CR1L: variants seen among roughly 807,000 people sequenced by gnomAD.
The protein encoded by CR1L is complement C3b/C4b receptor 1 like, also known as complement component receptor 1-like protein.
In CR1L, 59 loss-of-function variants were observed where a neutral mutation model predicts 62.3. That is an observed-to-expected ratio of 0.95 (90% CI 0.77 to 1.18). CR1L has a LOEUF of 1.18. CR1L is among the 50% of genes most tolerant of loss of function. The probability of loss-of-function intolerance (pLI) is 0.00; values close to 1 mark genes in which losing one functional copy is unlikely to be tolerated. For missense variants in CR1L, 700 were observed against 702.8 expected, an observed-to-expected ratio of 1.00 and a Z score of 0.04; for synonymous variants, 279 against 248.7, an observed-to-expected ratio of 1.12 and a Z score of -1.15.
rs567819748 is a variant in CR1L at position 207,713,150 on chromosome 1, CAAACCT to C, written c.1415-4310_1415-4305del. On this transcript the variant is annotated intron_variant, in intron 10 of 11. Coordinates refer to ENST00000508064, the MANE Select transcript of CR1L (RefSeq NM_175710.2). ...GGCACATACAACTCAATATCAGATA[CAAACCT>C]AAATACAGTCACTGATCTTGGGTAC... 2.6e-5 allele frequency among the ~76,000 whole-genome samples: 4 copies of C among 152,246 alleles called. No individual in the cohort carries two copies. The East Asian group carries it at 7.7e-4, about 29-fold the overall frequency.
At chr1:207,709,537 T>C (rs1664319877) in intron 10 of CR1L, among the ~76,000 whole-genome samples, 1 of 152,028 alleles carries the variant, frequency 6.6e-6, no homozygotes, top group Non-Finnish European at 1.5e-5. Flanking sequence ...GCAGGAGAAA[T>C]ATAAATGTGT....
At chr1:207,675,855 A>C (rs1367525944) in intron 1 of CR1L, among the ~76,000 whole-genome samples, 1 of 152,248 alleles carries the variant, frequency 6.6e-6, no homozygotes, top group Non-Finnish European at 1.5e-5. Flanking sequence ...TCTACTATAT[A>C]ATATGAAATA....
At chr1:207,700,432 A>G (rs1372643989) in intron 8 of CR1L, among the ~76,000 whole-genome samples, 1 of 152,222 alleles carries the variant, frequency 6.6e-6, no homozygotes, top group African/African-American at 2.4e-5. Flanking sequence ...TGCCAGTTCT[A>G]ATGAAAAATG....
chr1:207,669,231 CGAA>C, intron 1 of CR1L: 1 of 402,584 alleles, frequency 2.5e-6, no homozygotes, highest in Non-Finnish European at 4.6e-6. Context: ...GCTCTGCCAG[CGAA>C]ACTCGTTAGA....
intron 1 of CR1L, among the ~76,000 whole-genome samples, chr1:207,662,400 T>C (rs1663439889): frequency 1.3e-5 from 2 of 152,246 alleles, no homozygotes; most frequent in Non-Finnish European, 2.9e-5. Context: ...ATTCATTTGA[T>C]CTTCCATCTC....
At chr1:207,709,079 G>T (rs1047746473) in intron 10 of CR1L, 23 of 244,044 alleles carry the variant, frequency 9.4e-5, no homozygotes, top group African/African-American at 1.4e-4. Context: ...TATTAGTTCT[G>T]CCAGAGCTTT....
rs368204114 is a variant in CR1L, at chr1:207,699,319, C to A, written c.1228+45C>A. The A allele has an allele frequency of 6.5e-5, 104 of 1,608,580 alleles. No homozygotes were observed. The African/African-American group carries it at 1.0e-3, about 16-fold the overall frequency. On this transcript the variant is annotated intron_variant, in intron 8 of 11. Transcript: ENST00000508064. ...TTTCAGGCCAATCTCTCCCCTTCAT[C>A]TGTTCAGTATTTGACCCATGACCTC...
chr1:207,681,208 C>CG (rs774917486), intron 3 of CR1L, among the ~76,000 whole-genome samples: 5 of 152,294 alleles, frequency 3.3e-5, no homozygotes, highest in African/African-American at 4.8e-5. Flanking sequence ...TGTCCCTCTT[C>CG]GGGCCCTGGG....
chr1:207,661,785 G>A (rs1446895517), intron 1 of CR1L, among the ~76,000 whole-genome samples: 5 of 151,720 alleles, frequency 3.3e-5, no homozygotes, highest in South Asian at 4.1e-4. Context: ...GGCTGGTACC[G>A]ATTGTTCCTT....
At chr1:207,690,392 T>C (rs1418046087) in intron 4 of CR1L, among the ~76,000 whole-genome samples, 1 of 152,228 alleles carries the variant, frequency 6.6e-6, no homozygotes, top group Non-Finnish European at 1.5e-5. Flanking sequence ...ATCTTCTAGT[T>C]ATCATTCTTT....
intron 4 of CR1L, among the ~76,000 whole-genome samples, chr1:207,691,113 T>TAGCAATCTTTA (rs760981073): frequency 2.6e-5 from 4 of 152,230 alleles, no homozygotes; most frequent in African/African-American, 4.8e-5. Flanking sequence ...CTCTTTGTTC[T>TAGCAATCTTTA]AGCAATCTTT....
At chr1:207,660,487 G>C (rs1217092007) in intron 1 of CR1L, among the ~76,000 whole-genome samples, 1 of 152,206 alleles carries the variant, frequency 6.6e-6, no homozygotes, top group Non-Finnish European at 1.5e-5. Flanking sequence ...AGCAGGTGGT[G>C]ATATCCCCTT....
chr1:207,716,330 G>GA (rs1653998508), intron 10 of CR1L, among the ~76,000 whole-genome samples: 2 of 152,082 alleles, frequency 1.3e-5, no homozygotes, highest in Non-Finnish European at 2.9e-5. Flanking sequence ...CCGGGATGAC[G>GA]AATCAGTGTC....
At chr1:207,654,321 G>A (rs1663272999) in intron 1 of CR1L, among the ~76,000 whole-genome samples, 1 of 152,242 alleles carries the variant, frequency 6.6e-6, no homozygotes. Context: ...AAATATTGGA[G>A]TATTCAATTA....
chr1:207,717,233 G>A (rs1335744308), intron 10 of CR1L, among the ~76,000 whole-genome samples: 1 of 152,034 alleles, frequency 6.6e-6, no homozygotes, highest in Non-Finnish European at 1.5e-5. Flanking sequence ...GTAGCTACCT[G>A]GATGGTCCAA....
intron 1 of CR1L, among the ~76,000 whole-genome samples, chr1:207,654,899 G>T (rs550463094): frequency 6.6e-6 from 1 of 152,320 alleles, no homozygotes; most frequent in East Asian, 1.9e-4. Flanking sequence ...AAAACGCACA[G>T]AAATGAATGT....
At chr1:207,693,136 T>C (rs1481098509) in intron 4 of CR1L, among the ~76,000 whole-genome samples, 1 of 152,210 alleles carries the variant, frequency 6.6e-6, no homozygotes, top group Non-Finnish European at 1.5e-5. Flanking sequence ...TATTTCTTTG[T>C]ATTGCTTGGG....
At chr1:207,701,267 T>G (rs1380332846) in intron 8 of CR1L, among the ~76,000 whole-genome samples, 2 of 152,144 alleles carry the variant, frequency 1.3e-5, no homozygotes, top group Non-Finnish European at 2.9e-5. Flanking sequence ...TACATTTTGA[T>G]AAGGGATGCA....
At chr1:207,646,089 G>C (rs1236295969) in intron 1 of CR1L, among the ~76,000 whole-genome samples, 1 of 148,670 alleles carries the variant, frequency 6.7e-6, no homozygotes, top group Non-Finnish European at 1.5e-5. Flanking sequence ...GCCTGAGATC[G>C]TATTGGTCTT....
Sources: allele counts gnomAD v4.1 joint callset (sites outside exome capture counted in the v4.1 genomes callset), GRCh38; gene constraint gnomAD v4.1.1; transcripts MANE v1.5; gene names NCBI Gene and HGNC (gene_info 2026-07-23, HGNC 2026-07-21).